FAM221B: variants seen among roughly 807,000 people sequenced by gnomAD.
FAM221B encodes the protein family with sequence similarity 221 member B, also known as protein FAM221B.
A neutral mutation model predicts 39.8 loss-of-function variants in FAM221B; 35 were observed. The observed-to-expected ratio is 0.88, with a 90% confidence interval of 0.67 to 1.17. The LOEUF is 1.17. Among genes scored for constraint, FAM221B ranks in the 50% most tolerant of loss-of-function variants. FAM221B has a pLI of 0.00. For missense variants in FAM221B, 479 were observed against 503.1 expected (o/e 0.95, Z 0.46); for synonymous variants, 158 against 178.1 (o/e 0.89, Z 0.90).
In FAM221B at chr9:35,817,834, T is replaced by G. The variant is rs2132133236; in HGVS notation, c.*635A>C. ...CCTTCGTCTTGGTCATAGGAAGTGG[T>G]GTTTCTCCTGTCCAGAGAAAATCCC... On this transcript the variant is annotated 3_prime_UTR_variant, in exon 7 of 7. Transcript: ENST00000423537. The G allele has an allele frequency of 6.6e-6, 1 of 152,576 alleles. No individual in the cohort carries two copies. Among genetic ancestry groups the G allele is most frequent in the South Asian group, 2.1e-4 (1 of 4,846 alleles). 9.5% of individuals were successfully genotyped at this position (152,576 alleles called of 1,614,324 possible).
chr9:35,819,869 G>T (rs1410590107), intron 4 of FAM221B, 21 bp downstream of exon 4: 3 of 1,392,162 alleles, frequency 2.2e-6, no homozygotes, highest in South Asian at 2.3e-5. Flanking sequence ...ACTCGAGAGG[G>T]GCTGGTCAGT....
rs746828696 is a variant in FAM221B, at chr9:35,825,798, CAGA to C, written c.361_363del (p.Ser121del). ...GAGGAGAGGTCTTCCTTCAGAGTAT[CAGA>C]AGAAGACAGACAGACATAGTCTCGT... On this transcript the variant is annotated inframe_deletion, in exon 2 of 7. Transcript: ENST00000423537. The surrounding 1 kb of genome is among the most constrained non-coding windows in gnomAD (Gnocchi z 4.2). The C allele has an allele frequency of 4.3e-6, 7 of 1,613,954 alleles. No individual in the cohort carries two copies. The African/African-American group carries it at 5.3e-5, about 12-fold the overall frequency.
At position 35,825,092 on chromosome 9, in the gene FAM221B, C is replaced by G. The variant is rs1470656853; in HGVS notation, c.742+138G>C. Reference sequence around the variant, plus strand: ...CCCTTGTATTCCTTGGCCCACTTGCCTGCTCCTTTTCCAGGCAGGTGGTAT... The same window carrying G: ...CCCTTGTATTCCTTGGCCCACTTGCGTGCTCCTTTTCCAGGCAGGTGGTAT... On this transcript the variant is annotated intron_variant, in intron 3 of 6. Coordinates refer to ENST00000423537, the MANE Select transcript of FAM221B (RefSeq NM_001012446.4). The surrounding 1 kb of genome is among the most constrained non-coding windows in gnomAD (Gnocchi z 4.2). 2.0e-6 allele frequency: 2 copies of G among 999,646 alleles called. No homozygotes were observed. Among genetic ancestry groups the G allele is most frequent in the African/African-American group, 3.2e-5 (2 of 61,586 alleles). The allele number at this position is 999,646 out of a possible 1,614,324, so 61.9% of individuals were successfully genotyped here. A position where few individuals can be genotyped will look rare whatever the true frequency, so the allele number is the denominator to read the frequency against.
intron 6 of FAM221B, 102 bp from the exon 7 acceptor site, chr9:35,818,608 G>A: frequency 1.6e-6 from 2 of 1,252,814 alleles, no homozygotes; most frequent in South Asian, 1.3e-5. Flanking sequence ...GGACTAGGGT[G>A]GGAGCTGGGA....
rs1336947077 is a variant in FAM221B, at chr9:35,828,199, AG to A, written c.-1+263del. On this transcript the variant is annotated intron_variant, in intron 1 of 6. Transcript: ENST00000423537. This position sits in a 1 kb window ranked among gnomAD's most constrained non-coding sequence, Gnocchi z 4.5. ...CCCAGCTACTGGGGAGGCTGAAGCA[AG>A]CAAATCACTTGAACCTGGGAGGCGG... 2.0e-5 allele frequency among the ~76,000 whole-genome samples: 3 copies of A among 152,008 alleles called. No individual in the cohort carries two copies.
chr9:35,819,867 G>A (rs374878070), intron 4 of FAM221B, 23 bp downstream of exon 4: 5 of 1,371,656 alleles, frequency 3.6e-6, no homozygotes, highest in Non-Finnish European at 5.2e-6. Flanking sequence ...ACACTCGAGA[G>A]GGGCTGGTCA....
chr9:35,824,058 T>C (rs1029439147), intron 3 of FAM221B, among the ~76,000 whole-genome samples: 1 of 151,596 alleles, frequency 6.6e-6, no homozygotes, highest in Non-Finnish European at 1.5e-5. Context: ...AGGTGGAGGG[T>C]CCCTGCATGG....
In FAM221B at chr9:35,819,910, C is replaced by T. The variant is rs1829110853; in HGVS notation, c.833G>A (p.Arg278Lys). The change falls in exon 4 of 7, where the codon AGA (arginine) becomes AAA (lysine). Residue 278 changes from arginine to lysine, a missense_variant. By Grantham distance (26) the Arg-to-Lys change is conservative. Coordinates refer to ENST00000423537, the MANE Select transcript of FAM221B (RefSeq NM_001012446.4). The part of the protein sequence containing the change: ...ESRCFCGHLL[R>K]EHRIISDISV... ...CCTACCTGAGATGATCCGGTGCTCTCTCAACAAGTGTCCACAAAAGCATCT... is the reference window on the plus strand; with the variant it reads ...CCTACCTGAGATGATCCGGTGCTCTTTCAACAAGTGTCCACAAAAGCATCT... 1 of 1,613,804 alleles carries T rather than the reference C, an allele frequency of 6.2e-7. No individual in the cohort carries two copies. The highest frequency in any genetic ancestry group is 1.3e-5 in the African/African-American group (1 of 74,906).
In FAM221B at chr9:35,823,751, AC is replaced by A. The variant is rs1829204870; in HGVS notation, c.742+1478del. On this transcript the variant is annotated intron_variant, in intron 3 of 6. Transcript: ENST00000423537. Reference sequence around the variant, plus strand: ...ACAATCACGGCTCACTGCAGCCTTGACCTCCTGGGCTCAAGTAATCTGCCCA... The same window carrying A: ...ACAATCACGGCTCACTGCAGCCTTGACTCCTGGGCTCAAGTAATCTGCCCA... Among the ~76,000 whole-genome samples the A allele has an allele frequency of 2.0e-5, 3 of 151,710 alleles. No individual in the cohort carries two copies. The South Asian group carries it at 6.2e-4, about 32-fold the overall frequency.
At chr9:35,824,798 C>T (rs980839260) in intron 3 of FAM221B, among the ~76,000 whole-genome samples, 3 of 151,898 alleles carry the variant, frequency 2.0e-5, no homozygotes, top group African/African-American at 7.3e-5. Flanking sequence ...TCTCCTGCCT[C>T]AGCCTCCCGA....
Position 35,818,119 on chromosome 9 carries a change from T to G in FAM221B, c.*350A>C, listed in dbSNP as rs1829055743. 2 of 276,324 alleles carry G rather than the reference T, an allele frequency of 7.2e-6. No individual in the cohort carries two copies. The highest frequency in any genetic ancestry group is 1.4e-5 in the Non-Finnish European group (2 of 142,466). 17.1% of individuals were successfully genotyped at this position (276,324 alleles called of 1,614,324 possible). A position where few individuals can be genotyped will look rare whatever the true frequency, so the allele number is the denominator to read the frequency against. Reference sequence around the variant, plus strand: ...TTGACTCCTGCCTCCACTGCACCAGTGTGAAACTGCACTCTCCGATGTTCC... The same window carrying G: ...TTGACTCCTGCCTCCACTGCACCAGGGTGAAACTGCACTCTCCGATGTTCC... On this transcript the variant is annotated 3_prime_UTR_variant, in exon 7 of 7. Transcript: ENST00000423537.
chr9:35,820,568 T>C (rs1564005802), intron 3 of FAM221B, among the ~76,000 whole-genome samples: 1 of 152,174 alleles, frequency 6.6e-6, no homozygotes, highest in Admixed American at 6.5e-5. Flanking sequence ...CGTCTCCACG[T>C]TGGTACCTTA....
At chr9:35,821,674 G>T (rs1829154953) in intron 3 of FAM221B, 2 of 1,330,036 alleles carry the variant, frequency 1.5e-6, no homozygotes, top group Non-Finnish European at 2.0e-6. Context: ...GAGGCCCAAA[G>T]ATCAAGGCCT....
Position 35,818,209 on chromosome 9 carries a change from C to G in FAM221B, c.*260G>C. 1.9e-6 allele frequency: 1 copy of G among 523,236 alleles called. No homozygotes were observed. The highest frequency in any genetic ancestry group is 3.5e-6 in the Non-Finnish European group (1 of 289,384). The allele number at this position is 523,236 out of a possible 1,614,324, so 32.4% of individuals were successfully genotyped here. A position where few individuals can be genotyped will look rare whatever the true frequency, so the allele number is the denominator to read the frequency against. Reference sequence around the variant, plus strand: ...AGTCTTTATCTTATTGGTGCCCCAACTGCATCTAACATCACTTCCCACTCT... The same window carrying G: ...AGTCTTTATCTTATTGGTGCCCCAAGTGCATCTAACATCACTTCCCACTCT... On this transcript the variant is annotated 3_prime_UTR_variant, in exon 7 of 7. Coordinates refer to ENST00000423537, the MANE Select transcript of FAM221B (RefSeq NM_001012446.4).
In FAM221B at chr9:35,818,497, G is replaced by A; in HGVS notation, c.1181C>T (p.Thr394Ile). 1 of 1,551,778 alleles carries A rather than the reference G, an allele frequency of 6.4e-7. No homozygotes were observed. The highest frequency in any genetic ancestry group is 2.4e-5 in the East Asian group (1 of 40,926). Residue 394 changes from threonine (T) to isoleucine (I), a missense_variant, in exon 7 of 7, where the codon ACT becomes ATT. By Grantham distance (89) the Thr-to-Ile change is moderately conservative. Coordinates refer to ENST00000423537, the MANE Select transcript of FAM221B (RefSeq NM_001012446.4). ...QRGGRPRGTD[T>I]VSNWHRPL ...CAAAGGCCTGTGCCAGTTGCTGACA[G>A]TGTCTGTCCCTGGAGGAAGAAAGAG...
chr9:35,826,251 G>T, intron 1 of FAM221B, 90 bp from the exon 2 acceptor site: 1 of 965,692 alleles, frequency 1.0e-6, no homozygotes, highest in Non-Finnish European at 1.6e-6. Flanking sequence ...GTGCATTATG[G>T]AATTTGGATA....
chr9:35,823,150 T>G (rs770515563), intron 3 of FAM221B, among the ~76,000 whole-genome samples: 1 of 152,254 alleles, frequency 6.6e-6, no homozygotes, highest in African/African-American at 2.4e-5. Flanking sequence ...AGATATCAGC[T>G]GAGAAGTCAT....
Position 35,828,710 on chromosome 9 carries a change from G to T in FAM221B, c.-248C>A. On this transcript the variant is annotated 5_prime_UTR_variant, in exon 1 of 7. Coordinates refer to ENST00000423537, the MANE Select transcript of FAM221B (RefSeq NM_001012446.4). This position sits in a 1 kb window ranked among gnomAD's most constrained non-coding sequence, Gnocchi z 4.5. ...AGTGGGTAGGGACAAGGGGTCTAGG[G>T]CCAATGAGGGAGGGTCTTGACTGAA... 2.0e-6 allele frequency: 2 copies of T among 985,446 alleles called. No homozygotes were observed. The highest frequency in any genetic ancestry group is 2.4e-6 in the Non-Finnish European group (2 of 829,976). 61.0% of individuals were successfully genotyped at this position (985,446 alleles called of 1,614,324 possible). A position where few individuals can be genotyped will look rare whatever the true frequency, so the allele number is the denominator to read the frequency against.
chr9:35,819,948 A>G lies in FAM221B; in HGVS notation c.795T>C (p.Ile265=), dbSNP rs768463309. 7 of 1,610,226 alleles carry G rather than the reference A, an allele frequency of 4.3e-6. No homozygotes were observed. The African/African-American group carries it at 6.7e-5, about 15-fold the overall frequency. The change falls in exon 4 of 7, where the codon ATT becomes ATC. Residue 265 remains isoleucine, a synonymous_variant. Coordinates refer to ENST00000423537, the MANE Select transcript of FAM221B (RefSeq NM_001012446.4). ...CPHYLWDCFR[I]GDESRCFCGH... is the part of the protein sequence containing the mutation. ...CACAAAAGCATCTGGACTCATCCCC[A>G]ATCCGGAAACAGTCCCATAGGTAAT...
Sources: allele counts gnomAD v4.1 joint callset (sites outside exome capture counted in the v4.1 genomes callset), GRCh38; gene constraint gnomAD v4.1.1; non-coding constraint Gnocchi (gnomAD v3.1); transcripts MANE v1.5; gene names NCBI Gene and HGNC (gene_info 2026-07-23, HGNC 2026-07-21).